Variants in UGGT2 observed in about 807,000 individuals in gnomAD.
UGGT2 encodes the protein UDP-glucose:glycoprotein glucosyltransferase 2.
Under a neutral mutation model 192.1 loss-of-function variants are expected in UGGT2, and 180 were observed. The ratio of observed to expected loss-of-function variants is 0.94; its 90% CI spans 0.83 to 1.06. The LOEUF (loss-of-function observed/expected upper bound fraction) is 1.06. Among genes scored for constraint, UGGT2 ranks in the 50% least tolerant of loss-of-function variants. The pLI, the probability that UGGT2 is intolerant of heterozygous loss-of-function variation, is 0.00. For synonymous variants in UGGT2, 580 were observed against 591.0 expected (o/e 0.98, Z 0.27); for missense variants, 1,849 against 1,795.7 (o/e 1.03, Z -0.54).
At chr13:95,956,390 G>A (rs999202384) in intron 12 of UGGT2, among the ~76,000 whole-genome samples, 2 of 152,046 alleles carry the variant, frequency 1.3e-5, no homozygotes, top group African/African-American at 4.8e-5. Context: ...CTACAGAATG[G>A]GAATAAATAT....
chr13:95,938,835 T>A (rs1429061796), intron 16 of UGGT2, among the ~76,000 whole-genome samples: 1 of 152,066 alleles, frequency 6.6e-6, no homozygotes, highest in East Asian at 1.9e-4. Context: ...TTCAAATATG[T>A]CCATTTTCTC....
At chr13:95,862,094 A>G (rs555509899) in intron 31 of UGGT2, among the ~76,000 whole-genome samples, 2 of 152,274 alleles carry the variant, frequency 1.3e-5, no homozygotes, top group African/African-American at 4.8e-5. Flanking sequence ...TCCCCTGTCA[A>G]ACATACCTAC....
At chr13:95,872,087 A>C (rs1276825775) in intron 29 of UGGT2, among the ~76,000 whole-genome samples, 1 of 152,228 alleles carries the variant, frequency 6.6e-6, no homozygotes, top group Non-Finnish European at 1.5e-5. Flanking sequence ...GTCTAGCACA[A>C]TAATTTGGCA....
chr13:95,926,915 C>A, intron 19 of UGGT2, 113 bp downstream of exon 19: 1 of 951,858 alleles, frequency 1.1e-6, no homozygotes, highest in Non-Finnish European at 1.5e-6. Flanking sequence ...AAATTGAAAT[C>A]TAGGCCTCTA....
At chr13:95,830,048 A>T (rs1886493218) in intron 38 of UGGT2, among the ~76,000 whole-genome samples, 1 of 152,352 alleles carries the variant, frequency 6.6e-6, no homozygotes, top group Admixed American at 6.5e-5. Context: ...CTTATTTAAT[A>T]AATGGTGCTG....
Position 95,838,923 on chromosome 13 carries a change from A to AC in UGGT2, c.4285-1722dup, listed in dbSNP as rs569861788. 2.0e-5 allele frequency among the ~76,000 whole-genome samples: 3 copies of AC among 151,884 alleles called. No individual in the cohort carries two copies. The East Asian group carries it at 5.8e-4, about 29-fold the overall frequency. On this transcript the variant is annotated intron_variant, in intron 36 of 38. Transcript: ENST00000376747. The stretch of plus-strand genomic sequence containing the variant: ...AGTACTCAGATATCAATATCCTTTG[A>AC]CCCCTTGGAACCTCCAATCAACTGA...
intron 1 of UGGT2, among the ~76,000 whole-genome samples, chr13:96,040,260 G>C (rs2053126397): frequency 6.6e-6 from 1 of 152,166 alleles, no homozygotes; most frequent in Non-Finnish European, 1.5e-5. Context: ...CAAAATCAAG[G>C]TGTTGGCAGG....
At chr13:95,926,819 A>G (rs2049029105) in intron 19 of UGGT2, among the ~76,000 whole-genome samples, 1 of 152,196 alleles carries the variant, frequency 6.6e-6, no homozygotes, top group Admixed American at 6.5e-5. Flanking sequence ...TTTGTTTAAA[A>G]AAGGCAAAAA....
chr13:95,844,738 A>G (rs1888217910), intron 36 of UGGT2, among the ~76,000 whole-genome samples: 1 of 152,164 alleles, frequency 6.6e-6, no homozygotes, highest in South Asian at 2.1e-4. Context: ...CCCGTCCAAG[A>G]CAGCCAGTTT....
chr13:95,946,669 C>T, intron 15 of UGGT2, among the ~76,000 whole-genome samples: 1 of 152,120 alleles, frequency 6.6e-6, no homozygotes, highest in East Asian at 1.9e-4. Flanking sequence ...CTGTGCCCAG[C>T]CTGCAATGAT....
chr13:96,039,581 T>C (rs2053107428), intron 1 of UGGT2, among the ~76,000 whole-genome samples: 2 of 152,234 alleles, frequency 1.3e-5, no homozygotes, highest in Admixed American at 1.3e-4. Context: ...CTTTACAATC[T>C]GGATAGGCTG....
At chr13:95,894,716 T>C in intron 23 of UGGT2, 59 bp from the exon 24 acceptor site, 1 of 1,378,422 alleles carries the variant, frequency 7.3e-7, no homozygotes, top group Non-Finnish European at 1.0e-6. Context: ...TATTTCATGT[T>C]ACAATTAATG....
At chr13:95,853,144 T>C (rs1258880952) in intron 36 of UGGT2, among the ~76,000 whole-genome samples, 3 of 152,166 alleles carry the variant, frequency 2.0e-5, no homozygotes, top group Non-Finnish European at 2.9e-5. Flanking sequence ...GATGGACGTG[T>C]TTGCTTCCCC....
At chr13:95,826,481 G>C (rs1886055245) in intron 38 of UGGT2, among the ~76,000 whole-genome samples, 1 of 152,044 alleles carries the variant, frequency 6.6e-6, no homozygotes, top group Non-Finnish European at 1.5e-5. Flanking sequence ...AAGAGAATAA[G>C]CTGAAACATT....
intron 6 of UGGT2, among the ~76,000 whole-genome samples, 175 bp downstream of exon 6, chr13:95,999,036 A>AT (rs2051713152): frequency 6.6e-6 from 1 of 152,238 alleles, no homozygotes; most frequent in African/African-American, 2.4e-5. Flanking sequence ...ATAATATTAA[A>AT]TACATTTCTT....
At chr13:95,858,098 C>G (rs1261620096) in intron 33 of UGGT2, among the ~76,000 whole-genome samples, 1 of 150,140 alleles carries the variant, frequency 6.7e-6, no homozygotes, top group Non-Finnish European at 1.5e-5. Flanking sequence ...CACCTGAGGT[C>G]TGAATGCCTG....
chr13:95,826,826 A>C (rs1452662520), intron 38 of UGGT2, among the ~76,000 whole-genome samples: 1 of 152,054 alleles, frequency 6.6e-6, no homozygotes, highest in African/African-American at 2.4e-5. Flanking sequence ...AAACACAGAA[A>C]ATTTTCTGAA....
chr13:95,923,318 T>C (rs890692605), intron 20 of UGGT2, among the ~76,000 whole-genome samples: 3 of 151,758 alleles, frequency 2.0e-5, no homozygotes, highest in Non-Finnish European at 4.4e-5. Context: ...CTCAGCCACG[T>C]GATTAGCTGG....
At chr13:95,905,777 C>G (rs374217397) in intron 20 of UGGT2, among the ~76,000 whole-genome samples, 1 of 152,018 alleles carries the variant, frequency 6.6e-6, no homozygotes, top group African/African-American at 2.4e-5. Context: ...CTTGGTGATG[C>G]GGGCTCTTTT....
Sources: allele counts gnomAD v4.1 joint callset (sites outside exome capture counted in the v4.1 genomes callset), GRCh38; gene constraint gnomAD v4.1.1; transcripts MANE v1.5; gene names NCBI Gene and HGNC (gene_info 2026-07-23, HGNC 2026-07-21).